The following PRKCQ variants were observed in gnomAD, a reference collection of about 807,000 sequenced individuals.
PRKCQ encodes protein kinase C theta type.
In PRKCQ, 41 loss-of-function variants were observed where a neutral mutation model predicts 91.2. That is an observed-to-expected ratio of 0.45 (90% CI 0.35 to 0.58). The LOEUF is 0.58. Ranked by LOEUF, PRKCQ falls within the 20% of genes least tolerant of loss-of-function variation. The pLI is 0.00. For synonymous variants in PRKCQ, 307 were observed against 316.9 expected (o/e 0.97, Z 0.33); for missense variants, 673 against 896.5 (o/e 0.75, Z 3.18).
chr10:6,573,422 C>A (rs755059091), intron 1 of PRKCQ, among the ~76,000 whole-genome samples: 1 of 152,194 alleles, frequency 6.6e-6, no homozygotes. Context: ...ATACATCTTC[C>A]ATCCCCACCC....
chr10:6,404,842 TCTTTC>T, the PRKCQ span, among the ~76,000 whole-genome samples: 1 of 148,800 alleles, frequency 6.7e-6, no homozygotes, highest in Non-Finnish European at 1.5e-5. Flanking sequence ...TTTCTTTCTT[TCTTTC>T]CTTCTTTCTT....
At chr10:6,399,858 A>G in the PRKCQ span, among the ~76,000 whole-genome samples, 1 of 152,054 alleles carries the variant, frequency 6.6e-6, no homozygotes, top group African/African-American at 2.4e-5. Flanking sequence ...CCAAGGGCCC[A>G]GCATCTCCTA....
rs371347029 is a variant in PRKCQ, at chr10:6,576,791, T to C, written c.-10+3420A>G. Reference sequence around the variant, plus strand: ...TAAAGCAAATGCTTGATGGTTAGACTAATCTGGATGGTCCAACTAACCTGA... The same window carrying C: ...TAAAGCAAATGCTTGATGGTTAGACCAATCTGGATGGTCCAACTAACCTGA... On this transcript the variant is annotated intron_variant, in intron 1 of 17. Transcript: ENST00000263125. The surrounding 1 kb of genome is among the most constrained non-coding windows in gnomAD (Gnocchi z 4.2). Among the ~76,000 whole-genome samples the C allele has an allele frequency of 1.5e-4, 23 of 152,308 alleles. No individual in the cohort carries two copies. The highest frequency in any genetic ancestry group is 5.1e-4 in the African/African-American group (21 of 41,556).
intron 2 of PRKCQ, 103 bp downstream of exon 2, chr10:6,514,915 T>C: frequency 6.4e-7 from 1 of 1,562,560 alleles, no homozygotes; most frequent in Non-Finnish European, 8.7e-7. Flanking sequence ...AGGATTTGGT[T>C]CCACCAGATG....
chr10:6,505,143 C>T (rs528855808), intron 4 of PRKCQ, among the ~76,000 whole-genome samples: 5 of 152,292 alleles, frequency 3.3e-5, no homozygotes, highest in African/African-American at 1.2e-4. Context: ...CCACCTGCCT[C>T]GGCCTCCCAA....
At chr10:6,441,821 T>C in intron 16 of PRKCQ, 72 bp downstream of exon 16, 1 of 1,452,276 alleles carries the variant, frequency 6.9e-7, no homozygotes, top group Non-Finnish European at 9.3e-7. Flanking sequence ...AGTTGGAAAC[T>C]AAGAGGAACA....
At chr10:6,457,184 C>T (rs1835056383) in intron 14 of PRKCQ, among the ~76,000 whole-genome samples, 1 of 152,166 alleles carries the variant, frequency 6.6e-6, no homozygotes, top group South Asian at 2.1e-4. Flanking sequence ...TTATACTGCA[C>T]CTAATTCCAA....
intron 12 of PRKCQ, among the ~76,000 whole-genome samples, chr10:6,473,723 G>A (rs1836116302): frequency 6.6e-6 from 1 of 152,170 alleles, no homozygotes; most frequent in Non-Finnish European, 1.5e-5. Context: ...ATGGATTGCA[G>A]CATTTTTGAG....
intron 9 of PRKCQ, 21 bp from the exon 10 acceptor site, chr10:6,485,290 C>G: frequency 6.3e-7 from 1 of 1,592,850 alleles, no homozygotes; most frequent in Non-Finnish European, 8.6e-7. Flanking sequence ...AACAGAGAGT[C>G]AGACCACCCA....
chr10:6,468,048 A>G (rs536513579), intron 12 of PRKCQ, among the ~76,000 whole-genome samples: 1 of 152,366 alleles, frequency 6.6e-6, no homozygotes, highest in Non-Finnish European at 1.5e-5. Context: ...CTTAAAAAAA[A>G]TGATGATTAA....
chr10:6,398,896 G>T, the PRKCQ span, among the ~76,000 whole-genome samples: 1 of 151,996 alleles, frequency 6.6e-6, no homozygotes, highest in Non-Finnish European at 1.5e-5. Context: ...TAGGACCACA[G>T]GTGCAAGCCA....
chr10:6,471,586 A>G (rs182292164), intron 12 of PRKCQ, among the ~76,000 whole-genome samples: 1 of 145,428 alleles, frequency 6.9e-6, no homozygotes, highest in Non-Finnish European at 1.5e-5. Context: ...CTACTAAAAT[A>G]CCAAGAAAAA....
chr10:6,464,376 A>G lies in PRKCQ; in HGVS notation c.1382T>C (p.Leu461Pro). The change falls in exon 13 of 18, where the codon CTC becomes CCC. Residue 461 changes from leucine to proline, a missense_variant. Transcript: ENST00000263125. ...KENLFFVMEYLNGGDLMYHIQ... is the reference protein window; with the variant it reads ...KENLFFVMEYPNGGDLMYHIQ... Reference sequence around the variant, plus strand: ...GTGGTACATTAAGTCCCCTCCGTTGAGGTACTCCATCACAAAAAAGAGGTT... The same window carrying G: ...GTGGTACATTAAGTCCCCTCCGTTGGGGTACTCCATCACAAAAAAGAGGTT... 6.2e-7 allele frequency: 1 copy of G among 1,611,690 alleles called. No individual in the cohort carries two copies. The highest frequency in any genetic ancestry group is 1.3e-5 in the African/African-American group (1 of 74,794).
intron 3 of PRKCQ, among the ~76,000 whole-genome samples, chr10:6,508,587 A>C (rs1006328277): frequency 1.3e-5 from 2 of 152,276 alleles, no homozygotes; most frequent in Non-Finnish European, 2.9e-5. Context: ...GAGTTTCAAC[A>C]GATTAATGAA....
intron 7 of PRKCQ, among the ~76,000 whole-genome samples, chr10:6,494,333 C>T (rs1459722645): frequency 6.6e-6 from 1 of 152,208 alleles, no homozygotes; most frequent in Non-Finnish European, 1.5e-5. Context: ...CTTTATCCAT[C>T]TCTCCCTGGC....
chr10:6,528,013 C>T (rs2130893602), intron 1 of PRKCQ, among the ~76,000 whole-genome samples: 1 of 152,266 alleles, frequency 6.6e-6, no homozygotes, highest in Non-Finnish European at 1.5e-5. Flanking sequence ...GGATTTGTTC[C>T]TCTGCTCCCT....
intron 12 of PRKCQ, among the ~76,000 whole-genome samples, chr10:6,464,935 C>T (rs1267435431): frequency 6.6e-6 from 1 of 152,108 alleles, no homozygotes; most frequent in Non-Finnish European, 1.5e-5. Context: ...TGCCCTGTGG[C>T]ATCTAGATGC....
At chr10:6,534,456 A>G (rs1839500309) in intron 1 of PRKCQ, among the ~76,000 whole-genome samples, 1 of 152,144 alleles carries the variant, frequency 6.6e-6, no homozygotes, top group African/African-American at 2.4e-5. Flanking sequence ...TATTACCTTT[A>G]TAAAATATGA....
At chr10:6,478,477 A>G (rs1327454359) in intron 12 of PRKCQ, among the ~76,000 whole-genome samples, 6 of 152,202 alleles carry the variant, frequency 3.9e-5, no homozygotes, top group East Asian at 1.9e-4. Context: ...CAAATTCAGC[A>G]TAAGGAAAGG....
Sources: gnomAD v4.1 joint callset for allele counts (sites outside exome capture counted in the v4.1 genomes callset) on GRCh38, gnomAD v4.1.1 for gene constraint, Gnocchi (gnomAD v3.1) non-coding constraint, MANE v1.5 for transcripts, NCBI Gene and HGNC (gene_info 2026-07-23, HGNC 2026-07-21) for gene names.